NPIPB8: variants seen among roughly 807,000 people sequenced by gnomAD.
NPIPB8 encodes the protein nuclear pore complex-interacting protein family member B8.
Under a neutral mutation model 5.3 loss-of-function variants are expected in NPIPB8, and 3 were observed. That is an observed-to-expected ratio of 0.57 (90% CI 0.26 to 1.47). The LOEUF is 1.47. Among genes scored for constraint, NPIPB8 ranks in the 40% most tolerant of loss-of-function variants. The pLI is 0.13. For missense variants in NPIPB8, 50 were observed against 50.2 expected, an observed-to-expected ratio of 1.00 and a Z score of 0.01; for synonymous variants, 18 against 23.0, an observed-to-expected ratio of 0.78 and a Z score of 0.62.
chr16:28,642,972 G>T (rs1025925646), intron 2 of NPIPB8, among the ~76,000 whole-genome samples: 1 of 152,218 alleles, frequency 6.6e-6, no homozygotes, highest in African/African-American at 2.4e-5. Flanking sequence ...GGCATACTCT[G>T]TGTGATCGGG....
chr16:28,641,861 G>T (rs898341350), intron 2 of NPIPB8, among the ~76,000 whole-genome samples: 1 of 132,102 alleles, frequency 7.6e-6, no homozygotes, highest in African/African-American at 2.9e-5. Flanking sequence ...CCGCCTGCAA[G>T]GGAGGTTGAT....
intron 2 of NPIPB8, among the ~76,000 whole-genome samples, chr16:28,642,223 A>G (rs1298707491): frequency 2.0e-5 from 3 of 151,322 alleles, no homozygotes; most frequent in African/African-American, 7.3e-5. Context: ...GTCCTGCCTC[A>G]GCCTCCTGAG....
intron 3 of NPIPB8, among the ~76,000 whole-genome samples, chr16:28,651,652 CAG>C (rs1220437757): frequency 8.1e-4 from 69 of 85,468 alleles, no homozygotes; most frequent in East Asian, 1.8e-3. Flanking sequence ...GTGTGAGAGA[CAG>C]AGTCTCATTC....
chr16:28,641,568 C>T (rs150287602), intron 2 of NPIPB8, among the ~76,000 whole-genome samples: 2,776 of 140,368 alleles, frequency 0.02, 136 homozygotes, highest in African/African-American at 0.068. Context: ...CCTCATCAGC[C>T]GTAAATGATG....
chr16:28,642,516 G>A (rs562709903), intron 2 of NPIPB8, among the ~76,000 whole-genome samples: 2,714 of 149,226 alleles, frequency 0.018, 81 homozygotes, highest in African/African-American at 0.064. Context: ...ACAGAGTCTC[G>A]CTCTGTCGCC....
intron 2 of NPIPB8, among the ~76,000 whole-genome samples, chr16:28,644,257 T>A: frequency 1.0e-5 from 1 of 96,702 alleles, no homozygotes; most frequent in East Asian, 2.9e-4. Context: ...GTCCTGTTGC[T>A]TCCCTGATCT....
intron 2 of NPIPB8, among the ~76,000 whole-genome samples, chr16:28,639,966 G>A (rs1163261967): frequency 1.3e-5 from 2 of 151,088 alleles, no homozygotes; most frequent in Admixed American, 6.6e-5. Flanking sequence ...TACTCACTGT[G>A]TGTGCCAGGC....
At chr16:28,652,744 G>C (rs955287593) in intron 5 of NPIPB8, among the ~76,000 whole-genome samples, 5 of 133,990 alleles carry the variant, frequency 3.7e-5, no homozygotes, top group Non-Finnish European at 8.0e-5. Flanking sequence ...TGGGATTACA[G>C]GTGCCCACCA....
At chr16:28,640,834 T>C (rs922475772) in intron 2 of NPIPB8, among the ~76,000 whole-genome samples, 2 of 152,060 alleles carry the variant, frequency 1.3e-5, no homozygotes, top group Non-Finnish European at 2.9e-5. Flanking sequence ...AGTCAGTAAA[T>C]CTCTGACTGC....
chr16:28,644,813 G>C (rs1402638205), intron 2 of NPIPB8, among the ~76,000 whole-genome samples: 1 of 82,230 alleles, frequency 1.2e-5, no homozygotes, highest in African/African-American at 5.1e-5. Flanking sequence ...AGGGCATCAT[G>C]GCGAAACCCC....
chr16:28,639,799 G>A (rs1307000918), intron 2 of NPIPB8, among the ~76,000 whole-genome samples: 3 of 150,284 alleles, frequency 2.0e-5, no homozygotes, highest in East Asian at 1.9e-4. Flanking sequence ...AAAAACACTG[G>A]CTATGAAAGA....
chr16:28,639,455 A>ATTTT (rs1181691602), intron 2 of NPIPB8, among the ~76,000 whole-genome samples: 2 of 120,848 alleles, frequency 1.7e-5, no homozygotes, highest in African/African-American at 6.3e-5. Flanking sequence ...ATATATATAT[A>ATTTT]TTTTTTTTTT....
At chr16:28,642,191 C>T (rs370263924) in intron 2 of NPIPB8, among the ~76,000 whole-genome samples, 66 of 151,152 alleles carry the variant, frequency 4.4e-4, no homozygotes, top group Middle Eastern at 3.4e-3. Flanking sequence ...CTGCAACCTC[C>T]GCCTCCCGGG....
Position 28,640,736 on chromosome 16 carries a change from C to T in NPIPB8, c.120+2256C>T, listed in dbSNP as rs149977967. On this transcript the variant is annotated intron_variant, in intron 2 of 7. Coordinates refer to ENST00000683297, the MANE Select transcript of NPIPB8 (RefSeq NM_001310136.2). ...GTCCCAGAGCTGCACAAAATCATCA[C>T]CAGCATGATTAAACGGAGTAGACTT... Among the ~76,000 whole-genome samples, 157 of 152,192 alleles carry T rather than the reference C, an allele frequency of 1.0e-3. 1 individual carries two copies. The highest frequency in any genetic ancestry group is 3.5e-3 in the African/African-American group (147 of 41,510).
chr16:28,644,704 G>T, intron 2 of NPIPB8: 6 of 1,137,196 alleles, frequency 5.3e-6, no homozygotes, highest in Non-Finnish European at 7.0e-6. Flanking sequence ...ACTGGGCTGT[G>T]TCACGCGGCA....
chr16:28,639,519 C>A (rs1194044845), intron 2 of NPIPB8, among the ~76,000 whole-genome samples: 2 of 130,968 alleles, frequency 1.5e-5, no homozygotes, highest in African/African-American at 5.8e-5. Flanking sequence ...TGCAATGGCA[C>A]AATCTTGGCT....
intron 3 of NPIPB8, among the ~76,000 whole-genome samples, chr16:28,651,604 T>TTGGG (rs1555488419): frequency 1.3e-4 from 5 of 39,130 alleles, no homozygotes; most frequent in Admixed American, 2.5e-4. Flanking sequence ...CATGTCATTC[T>TTGGG]TGTGTGTGTG....
At chr16:28,642,676 G>T (rs1596677604) in intron 2 of NPIPB8, among the ~76,000 whole-genome samples, 1 of 150,182 alleles carries the variant, frequency 6.7e-6, no homozygotes, top group Non-Finnish European at 1.5e-5. Flanking sequence ...TAGAGACAGG[G>T]TTTCACCATA....
intron 1 of NPIPB8, 27 bp from the exon 2 acceptor site, chr16:28,638,296 A>G: frequency 6.5e-7 from 1 of 1,544,548 alleles, no homozygotes; most frequent in African/African-American, 1.4e-5. Flanking sequence ...CTCATTCAAC[A>G]AACTTTTTTT....
Sources: gnomAD v4.1 joint callset for allele counts (sites outside exome capture counted in the v4.1 genomes callset) on GRCh38, gnomAD v4.1.1 for gene constraint, MANE v1.5 for transcripts, NCBI Gene and HGNC (gene_info 2026-07-23, HGNC 2026-07-21) for gene names.